Variants in MAP3K4 observed in about 807,000 individuals in gnomAD.
MAP3K4 encodes the protein mitogen-activated protein kinase kinase kinase 4.
A neutral mutation model predicts 185.6 loss-of-function variants in MAP3K4; 67 were observed. The ratio of observed to expected loss-of-function variants is 0.36; its 90% confidence interval spans 0.30 to 0.44. The LOEUF (loss-of-function observed/expected upper bound fraction) is 0.44. Among genes scored for constraint, MAP3K4 ranks in the 20% least tolerant of loss-of-function variants. The probability of loss-of-function intolerance (pLI) is 1.00; values close to 1 mark genes in which losing one functional copy is unlikely to be tolerated. For synonymous variants in MAP3K4, 702 were observed against 710.4 expected (o/e 0.99, Z 0.19); for missense variants, 1,551 against 1,995.1 (o/e 0.78, Z 4.24).
rs1583208351 is a variant in MAP3K4 at position 161,081,633 on chromosome 6, G to A, written c.2255+595G>A. ...AAGGGGGAATCATGAAGAGAGCAGT[G>A]CAGAGTCGCAGGGCTGGTCTGTCAG... is the stretch of plus-strand genomic sequence containing the variant. On this transcript the variant is annotated intron_variant, in intron 6 of 26. Coordinates refer to ENST00000392142, the MANE Select transcript of MAP3K4 (RefSeq NM_005922.4). 2.0e-5 allele frequency among the ~76,000 whole-genome samples: 3 copies of A among 152,172 alleles called. No individual in the cohort carries two copies. The South Asian group carries it at 6.2e-4, about 32-fold the overall frequency.
chr6:161,054,307 A>G lies in MAP3K4; in HGVS notation c.1707+4328A>G, dbSNP rs907210245. Among the ~76,000 whole-genome samples the G allele has an allele frequency of 6.6e-6, 1 of 152,050 alleles. No individual in the cohort carries two copies. On this transcript the variant is annotated intron_variant, in intron 3 of 26. Transcript: ENST00000392142. The surrounding 1 kb of genome is among the most constrained non-coding windows in gnomAD (Gnocchi z 4.2). ...GTAGCTGGGATTACAGGCATGCGCC[A>G]CTATGCCTGGCTAATTTTTGTATTT...
intron 1 of MAP3K4, among the ~76,000 whole-genome samples, chr6:161,000,720 TAC>T (rs1368997843): frequency 6.6e-6 from 1 of 150,786 alleles, no homozygotes; most frequent in East Asian, 1.9e-4. Context: ...ACACCATATA[TAC>T]ACACACATAC....
intron 1 of MAP3K4, among the ~76,000 whole-genome samples, chr6:161,014,815 T>C (rs1782009413): frequency 6.6e-6 from 1 of 152,162 alleles, no homozygotes; most frequent in Non-Finnish European, 1.5e-5. Flanking sequence ...TTTTAGTATA[T>C]TCACAGATAT....
At position 161,061,855 on chromosome 6, in the gene MAP3K4, C is replaced by T. The variant is rs1784498501; in HGVS notation, c.1708-8753C>T. Among the ~76,000 whole-genome samples the T allele has an allele frequency of 6.6e-6, 1 of 152,114 alleles. No homozygotes were observed. The highest frequency in any genetic ancestry group is 2.1e-4 in the South Asian group (1 of 4,836). On this transcript the variant is annotated intron_variant, in intron 3 of 26. Coordinates refer to ENST00000392142, the MANE Select transcript of MAP3K4 (RefSeq NM_005922.4). The surrounding 1 kb of genome is among the most constrained non-coding windows in gnomAD (Gnocchi z 4.2). ...CTATACCACGTTTTGTTGATCTATT[C>T]ATAGATTTCTTAAAATTTTATTTTT...
Position 161,108,050 on chromosome 6 carries a change from C to A in MAP3K4, c.4119+81C>A. 1 of 1,286,836 alleles carries A rather than the reference C, an allele frequency of 7.8e-7. No homozygotes were observed. Among genetic ancestry groups the A allele is most frequent in the South Asian group, 1.3e-5 (1 of 78,494 alleles). 79.7% of individuals were successfully genotyped at this position (1,286,836 alleles called of 1,614,324 possible). ...TTCCGTATAGACGCTGGTCGTGATT[C>A]AGTTCTCTGTGCGTAGAGCTGTCTT... On this transcript the variant is annotated intron_variant, in intron 21 of 26. Coordinates refer to ENST00000392142, the MANE Select transcript of MAP3K4 (RefSeq NM_005922.4). The surrounding 1 kb of genome is among the most constrained non-coding windows in gnomAD (Gnocchi z 5.7).
chr6:161,082,344 T>C lies in MAP3K4; in HGVS notation c.2255+1306T>C, dbSNP rs1270956526. 6.6e-6 allele frequency among the ~76,000 whole-genome samples: 1 copy of C among 152,150 alleles called. No homozygotes were observed. The highest frequency in any genetic ancestry group is 1.5e-5 in the Non-Finnish European group (1 of 68,034). On this transcript the variant is annotated intron_variant, in intron 6 of 26. Transcript: ENST00000392142. This position sits in a 1 kb window ranked among gnomAD's most constrained non-coding sequence, Gnocchi z 4.2. Reference sequence around the variant, plus strand: ...AACCTGTCAAGCTTTGTTGAAGAAATGTTTTTAAAGGTTACTCTTTAGTTT... The same window carrying C: ...AACCTGTCAAGCTTTGTTGAAGAAACGTTTTTAAAGGTTACTCTTTAGTTT...
rs73024080 is a variant in MAP3K4, at chr6:161,029,254, G to T, written c.153-5005G>T. 6.3e-3 allele frequency among the ~76,000 whole-genome samples: 949 copies of T among 151,184 alleles called. 6 individuals carry two copies. The highest frequency in any genetic ancestry group is 0.01 in the Non-Finnish European group (697 of 67,814). ...TTTGGGTTTTTTTGGCGGGGGTGGT[G>T]TTGGGGGGCAGGGGTGGCTTTTGCA... On this transcript the variant is annotated intron_variant, in intron 1 of 26. Coordinates refer to ENST00000392142, the MANE Select transcript of MAP3K4 (RefSeq NM_005922.4).
In MAP3K4 at chr6:161,037,705, A is replaced by G. The variant is rs1783241291; in HGVS notation, c.343+3256A>G. Among the ~76,000 whole-genome samples the G allele has an allele frequency of 6.6e-6, 1 of 152,190 alleles. No homozygotes were observed. The highest frequency in any genetic ancestry group is 3.2e-3 in the Middle Eastern group (1 of 316). ...AGTGCTGGGATTATAGGCACGAGCA[A>G]CCATGACCGGTTGTAAAGTCAGGAT... On this transcript the variant is annotated intron_variant, in intron 2 of 26. Transcript: ENST00000392142. This position sits in a 1 kb window ranked among gnomAD's most constrained non-coding sequence, Gnocchi z 4.2.
intron 3 of MAP3K4, among the ~76,000 whole-genome samples, chr6:161,068,845 G>A (rs1273534279): frequency 6.6e-6 from 1 of 152,160 alleles, no homozygotes; most frequent in Non-Finnish European, 1.5e-5. Flanking sequence ...CAGAAACAGG[G>A]AATCATCTTG....
chr6:161,079,285 GAC>G (rs995507606), intron 5 of MAP3K4, among the ~76,000 whole-genome samples: 16 of 148,856 alleles, frequency 1.1e-4, no homozygotes, highest in African/African-American at 2.7e-4. Context: ...TGCATAGAAA[GAC>G]AGAGAGTTGG....
chr6:161,018,945 A>T (rs1353450506), intron 1 of MAP3K4, among the ~76,000 whole-genome samples: 2 of 152,238 alleles, frequency 1.3e-5, no homozygotes, highest in Non-Finnish European at 2.9e-5. Flanking sequence ...TAGACACTGC[A>T]GAAAAACATC....
rs1777788267 is a variant in MAP3K4, at chr6:161,100,432, GA to G, written c.3675-1457del. Among the ~76,000 whole-genome samples, 1 of 152,212 alleles carries G rather than the reference GA, an allele frequency of 6.6e-6. No individual in the cohort carries two copies. Among genetic ancestry groups the G allele is most frequent in the Non-Finnish European group, 1.5e-5 (1 of 68,034 alleles). Reference sequence around the variant, plus strand: ...TTTTAATTGATTTTACTTGACCTAGGAAATATCTGTTCTGGGCTTAAGTTAT... The same window carrying G: ...TTTTAATTGATTTTACTTGACCTAGGAATATCTGTTCTGGGCTTAAGTTAT... On this transcript the variant is annotated intron_variant, in intron 17 of 26. Coordinates refer to ENST00000392142, the MANE Select transcript of MAP3K4 (RefSeq NM_005922.4). The surrounding 1 kb of genome is among the most constrained non-coding windows in gnomAD (Gnocchi z 5.8).
rs192598724 is a variant in MAP3K4 at position 161,063,807 on chromosome 6, G to A, written c.1708-6801G>A. ...TTCACAGAAGTTCTCTGTAGACTCTGTGAGCTTTTCATAGAGCACTCATCA... is the reference window on the plus strand; with the variant it reads ...TTCACAGAAGTTCTCTGTAGACTCTATGAGCTTTTCATAGAGCACTCATCA... On this transcript the variant is annotated intron_variant, in intron 3 of 26. Transcript: ENST00000392142. The surrounding 1 kb of genome is among the most constrained non-coding windows in gnomAD (Gnocchi z 5.4). 9.3e-4 allele frequency among the ~76,000 whole-genome samples: 141 copies of A among 152,260 alleles called. No individual in the cohort carries two copies. The highest frequency in any genetic ancestry group is 3.2e-3 in the African/African-American group (132 of 41,548).
At chr6:161,029,577 C>T (rs1304193190) in intron 1 of MAP3K4, among the ~76,000 whole-genome samples, 1 of 152,122 alleles carries the variant, frequency 6.6e-6, no homozygotes, top group Non-Finnish European at 1.5e-5. Flanking sequence ...AGTTTAGTAC[C>T]AGAAAGACAT....
chr6:161,047,813 A>G (rs1261000432), intron 2 of MAP3K4, among the ~76,000 whole-genome samples: 2 of 152,218 alleles, frequency 1.3e-5, no homozygotes, highest in African/African-American at 4.8e-5. Context: ...TACAGGATGT[A>G]TGTGTGTTCA....
chr6:161,054,626 A>G lies in MAP3K4; in HGVS notation c.1707+4647A>G, dbSNP rs1784156249. 6.6e-6 allele frequency among the ~76,000 whole-genome samples: 1 copy of G among 152,250 alleles called. No homozygotes were observed. The highest frequency in any genetic ancestry group is 1.5e-5 in the Non-Finnish European group (1 of 68,040). The stretch of plus-strand genomic sequence containing the variant: ...GAAGTTGTAGCTCTGTACCTTCTGT[A>G]AATTGATTTCCTCAGGACACATTTC... On this transcript the variant is annotated intron_variant, in intron 3 of 26. Transcript: ENST00000392142. This position sits in a 1 kb window ranked among gnomAD's most constrained non-coding sequence, Gnocchi z 4.2.
At chr6:161,004,761 T>C (rs543129418) in intron 1 of MAP3K4, among the ~76,000 whole-genome samples, 1 of 152,342 alleles carries the variant, frequency 6.6e-6, no homozygotes, top group East Asian at 1.9e-4. Context: ...CAAGAAACTT[T>C]CCTGAAGGAG....
intron 18 of MAP3K4, among the ~76,000 whole-genome samples, chr6:161,102,322 C>T (rs937087336): frequency 4.6e-5 from 7 of 152,118 alleles, no homozygotes; most frequent in African/African-American, 1.7e-4. Flanking sequence ...GTTTGTTGAT[C>T]GTATGTGAAA....
chr6:161,111,499 A>G (rs770138010), intron 23 of MAP3K4, among the ~76,000 whole-genome samples: 75 of 152,082 alleles, frequency 4.9e-4, no homozygotes, highest in Non-Finnish European at 9.0e-4. Context: ...CACATCTCTC[A>G]TTCTCCAGAC....
Sources: gnomAD v4.1 joint callset for allele counts (sites outside exome capture counted in the v4.1 genomes callset) on GRCh38, gnomAD v4.1.1 for gene constraint, Gnocchi (gnomAD v3.1) non-coding constraint, MANE v1.5 for transcripts, NCBI Gene and HGNC (gene_info 2026-07-23, HGNC 2026-07-21) for gene names.